The following PPFIBP2 variants were observed in gnomAD, a reference collection of about 807,000 sequenced individuals.
PPFIBP2 encodes PPFIB scaffold protein 2.
PPFIBP2 carries 118 observed loss-of-function variants against 118.3 expected under a neutral mutation model. That is an observed-to-expected ratio of 1.00 (90% confidence interval 0.86 to 1.16). The LOEUF is 1.16. Ranked by LOEUF, PPFIBP2 falls within the 50% of genes most tolerant of loss-of-function variation. The probability of loss-of-function intolerance (pLI) is 0.00; values close to 1 mark genes in which losing one functional copy is unlikely to be tolerated. For synonymous variants in PPFIBP2, 414 were observed against 397.4 expected (o/e 1.04, Z -0.50); for missense variants, 1,195 against 1,073.1 (o/e 1.11, Z -1.59).
intron 17 of PPFIBP2, among the ~76,000 whole-genome samples, chr11:7,647,649 A>G (rs1256049236): frequency 6.6e-6 from 1 of 152,208 alleles, no homozygotes; most frequent in Non-Finnish European, 1.5e-5. Flanking sequence ...TGTATGTAAC[A>G]TACGTTACAT....
chr11:7,607,246 C>G (rs573357435), intron 5 of PPFIBP2, among the ~76,000 whole-genome samples: 2 of 144,308 alleles, frequency 1.4e-5, no homozygotes, highest in Admixed American at 7.1e-5. Flanking sequence ...GTCTCACTGT[C>G]GCCTAGGCTG....
At chr11:7,623,158 C>T (rs1590658138) in intron 7 of PPFIBP2, among the ~76,000 whole-genome samples, 2 of 152,286 alleles carry the variant, frequency 1.3e-5, no homozygotes, top group Admixed American at 1.3e-4. Context: ...CATCCTGATT[C>T]CCTGCAGAGA....
chr11:7,558,417 C>A (rs1333111822), intron 2 of PPFIBP2, among the ~76,000 whole-genome samples: 5 of 152,140 alleles, frequency 3.3e-5, no homozygotes, highest in Non-Finnish European at 5.9e-5. Flanking sequence ...CTGAACAACC[C>A]CAGTCACTAC....
At chr11:7,644,888 G>A (rs1055305417) in intron 17 of PPFIBP2, among the ~76,000 whole-genome samples, 3 of 151,248 alleles carry the variant, frequency 2.0e-5, no homozygotes, top group Non-Finnish European at 4.4e-5. Context: ...TTAGCCGGGC[G>A]TGGTGGCGGG....
chr11:7,656,821 A>C (rs891095683), downstream of PPFIBP2: 5 of 1,289,378 alleles, frequency 3.9e-6, no homozygotes, highest in African/African-American at 7.6e-5. Flanking sequence ...CTGAGAGCGT[A>C]GGGAGGCATG....
chr11:7,650,944 T>G lies in PPFIBP2; in HGVS notation c.2226T>G (p.Ser742Arg). The G allele has an allele frequency of 6.2e-7, 1 of 1,613,220 alleles. No individual in the cohort carries two copies. The highest frequency in any genetic ancestry group is 8.5e-7 in the Non-Finnish European group (1 of 1,179,558). The part of the protein sequence containing the change: ...LAEYAPNLRG[S>R]GVHGGLIILE... ...AGTATGCACCCAATCTTCGAGGGAG[T>G]GGAGTCCATGGAGGCCTCATTGTGA... Residue 742 changes from serine (S) to arginine (R), a missense_variant, in exon 22 of 24, where the codon AGT becomes AGG. Ser to Arg is a moderately radical substitution (Grantham distance 110, BLOSUM62 -1). Transcript: ENST00000299492.
chr11:7,544,602 A>G (rs998527274), intron 1 of PPFIBP2, among the ~76,000 whole-genome samples: 5 of 151,760 alleles, frequency 3.3e-5, no homozygotes, highest in Non-Finnish European at 7.4e-5. Flanking sequence ...GTGAAACCCC[A>G]TCTCTACTAA....
In PPFIBP2 at chr11:7,651,802, C is replaced by T. The variant is rs1298967934; in HGVS notation, c.2394C>T (p.Ala798=). ...AACAGGAGAAGCGAGAGAAAATGGCCTCACCAGCTTACACACCACTGACCA... is the reference window on the plus strand; with the variant it reads ...AACAGGAGAAGCGAGAGAAAATGGCTTCACCAGCTTACACACCACTGACCA... ...EAEQEKREKM[A]SPAYTPLTTT... Residue 798 remains alanine (A), a synonymous_variant, in exon 23 of 24, where the codon GCC becomes GCT. Transcript: ENST00000299492. The T allele has an allele frequency of 6.2e-7, 1 of 1,613,868 alleles. No homozygotes were observed. The highest frequency in any genetic ancestry group is 1.3e-5 in the African/African-American group (1 of 75,034).
chr11:7,636,389 GT>G (rs60696850), intron 14 of PPFIBP2, among the ~76,000 whole-genome samples: 8,055 of 152,154 alleles, frequency 0.053, 352 homozygotes, highest in African/African-American at 0.12. Flanking sequence ...TTCCATATTT[GT>G]AGCAGTTGGT....
At chr11:7,617,052 C>T in intron 6 of PPFIBP2, 1 of 888,958 alleles carries the variant, frequency 1.1e-6, no homozygotes. Context: ...TTAAGGAGTT[C>T]TGCGTCTGAG....
chr11:7,537,652 G>C (rs951176657), intron 1 of PPFIBP2, among the ~76,000 whole-genome samples: 7 of 152,168 alleles, frequency 4.6e-5, no homozygotes, highest in African/African-American at 1.4e-4. Context: ...AGTTCTCTAA[G>C]TGGCTACGGT....
the PPFIBP2 span, among the ~76,000 whole-genome samples, chr11:7,664,902 G>A: frequency 6.7e-6 from 1 of 148,370 alleles, no homozygotes; most frequent in Admixed American, 6.9e-5. Flanking sequence ...AAGTTTCTGT[G>A]TGTAACCACT....
At chr11:7,541,864 G>A (rs996055549) in intron 1 of PPFIBP2, among the ~76,000 whole-genome samples, 13 of 152,138 alleles carry the variant, frequency 8.5e-5, no homozygotes, top group African/African-American at 1.2e-4. Context: ...TAGGTACTCA[G>A]GGCAAAAACC....
At chr11:7,551,032 T>G (rs1047706260) in intron 2 of PPFIBP2, among the ~76,000 whole-genome samples, 3 of 152,182 alleles carry the variant, frequency 2.0e-5, no homozygotes, top group Non-Finnish European at 4.4e-5. Flanking sequence ...CCCCTTTATA[T>G]CTATATCTAT....
chr11:7,547,628 C>G (rs1225644166), intron 1 of PPFIBP2, among the ~76,000 whole-genome samples: 2 of 152,174 alleles, frequency 1.3e-5, no homozygotes, highest in Non-Finnish European at 2.9e-5. Flanking sequence ...CGTATTCGCT[C>G]TGTAGCGGCC....
At chr11:7,615,215 T>C (rs1848490415) in intron 6 of PPFIBP2, among the ~76,000 whole-genome samples, 1 of 151,816 alleles carries the variant, frequency 6.6e-6, no homozygotes, top group South Asian at 2.1e-4. Context: ...TACACACTTG[T>C]AGTCCAGCTA....
In PPFIBP2 at chr11:7,616,263, C is replaced by T. The variant is rs1028448375; in HGVS notation, c.619-4672C>T. On this transcript the variant is annotated intron_variant, in intron 6 of 23. Coordinates refer to ENST00000299492, the MANE Select transcript of PPFIBP2 (RefSeq NM_003621.5). The surrounding 1 kb of genome is among the most constrained non-coding windows in gnomAD (Gnocchi z 5.2). Reference sequence around the variant, plus strand: ...GGACAATAGTCCCCCAAAGTGCTTGCTATAAGTTAATTTTAAGGAATCAGG... The same window carrying T: ...GGACAATAGTCCCCCAAAGTGCTTGTTATAAGTTAATTTTAAGGAATCAGG... Among the ~76,000 whole-genome samples the T allele has an allele frequency of 1.3e-5, 2 of 152,136 alleles. No individual in the cohort carries two copies. Among genetic ancestry groups the T allele is most frequent in the African/African-American group, 4.8e-5 (2 of 41,420 alleles).
intron 1 of PPFIBP2, among the ~76,000 whole-genome samples, chr11:7,544,772 T>TAAAA (rs1194860244): frequency 1.9e-4 from 16 of 86,152 alleles, no homozygotes; most frequent in Admixed American, 1.5e-3. Flanking sequence ...AGACTCCATC[T>TAAAA]AAAAAAAAAA....
chr11:7,559,291 A>G (rs188474469), intron 2 of PPFIBP2, among the ~76,000 whole-genome samples: 130 of 152,172 alleles, frequency 8.5e-4, no homozygotes, highest in African/African-American at 2.6e-3. Flanking sequence ...TTTCCTGTTA[A>G]TTCCAGGTTT....
Sources: gnomAD v4.1 joint callset for allele counts (sites outside exome capture counted in the v4.1 genomes callset) on GRCh38, gnomAD v4.1.1 for gene constraint, Gnocchi (gnomAD v3.1) non-coding constraint, MANE v1.5 for transcripts, NCBI Gene and HGNC (gene_info 2026-07-23, HGNC 2026-07-21) for gene names.